VIM: variants seen among roughly 807,000 people sequenced by gnomAD.
VIM encodes epididymis secretory sperm binding protein.
A neutral mutation model predicts 50.3 loss-of-function variants in VIM; 18 were observed. That is an observed-to-expected ratio of 0.36 (90% CI 0.25 to 0.53). The LOEUF is 0.53. Ranked by LOEUF, VIM falls within the 20% of genes least tolerant of loss-of-function variation. The pLI is 0.91. For synonymous variants in VIM, 245 were observed against 248.5 expected, an observed-to-expected ratio of 0.99 and a Z score of 0.13; for missense variants, 551 against 614.7, an observed-to-expected ratio of 0.90 and a Z score of 1.10.
In VIM at chr10:17,237,312, A is replaced by G. The variant is rs1429245264; in HGVS notation, c.*41A>G. On this transcript the variant is annotated 3_prime_UTR_variant, in exon 10 of 10. Coordinates refer to ENST00000544301, the MANE Select transcript of VIM (RefSeq NM_003380.5). ...AGTGCAGCAATATATTACCAGCAAGAATAAAAAAGAAATCCATATCTTAAA... is the reference window on the plus strand; with the variant it reads ...AGTGCAGCAATATATTACCAGCAAGGATAAAAAAGAAATCCATATCTTAAA... 6.3e-7 allele frequency: 1 copy of G among 1,581,658 alleles called. No individual in the cohort carries two copies. Among genetic ancestry groups the G allele is most frequent in the African/African-American group, 1.3e-5 (1 of 74,260 alleles).
At chr10:17,235,799 G>A (rs776200285) in intron 7 of VIM, 47 bp from the exon 8 acceptor site, 2 of 1,572,434 alleles carry the variant, frequency 1.3e-6, no homozygotes, top group African/African-American at 2.7e-5. Flanking sequence ...CCCAGTGGTT[G>A]AAGTTATTTG....
chr10:17,230,633 A>C lies in VIM; in HGVS notation c.564-17A>C. ...CGGTTTCCTCGTTCCCCTTTGGTTA[A>C]TGCGCAACTGTTTCAGATTGCAGGA... is the stretch of plus-strand genomic sequence containing the variant. On this transcript the variant is annotated splice_polypyrimidine_tract_variant and intron_variant, in intron 2 of 9. Transcript: ENST00000544301. 1 of 1,613,890 alleles carries C rather than the reference A, an allele frequency of 6.2e-7. No homozygotes were observed. The highest frequency in any genetic ancestry group is 8.5e-7 in the Non-Finnish European group (1 of 1,179,948).
Position 17,233,635 on chromosome 10 carries a change from G to A in VIM, c.673G>A (p.Glu225Lys), listed in dbSNP as rs897144372. 6.2e-7 allele frequency: 1 copy of A among 1,614,076 alleles called. No individual in the cohort carries two copies. Among genetic ancestry groups the A allele is most frequent in the African/African-American group, 1.3e-5 (1 of 74,922 alleles). ...ACGTCTTGACCTTGAACGCAAAGTG[G>A]AATCTTTGCAAGAAGAGATTGCCTT... The part of the protein sequence containing the change: ...LARLDLERKV[E>K]SLQEEIAFLK... The change falls in exon 4 of 10, where the codon GAA becomes AAA. Residue 225 changes from glutamate (E) to lysine (K), a missense_variant. By Grantham distance (56) the Glu-to-Lys change is moderately conservative (BLOSUM62 1). This residue lies in a region of VIM where 394 missense variants were observed against 437.5 expected (regional missense o/e 0.90). Coordinates refer to ENST00000544301, the MANE Select transcript of VIM (RefSeq NM_003380.5).
At position 17,233,914 on chromosome 10, in the gene VIM, G is replaced by T. The variant is rs1471445445; in HGVS notation, c.865G>T (p.Glu289Ter). Reference protein sequence around the residue: ...VAAKNLQEAEEWYKSKFADLS... With the variant: ...VAAKNLQEAE Reference sequence around the variant, plus strand: ...TGCCAAGAACCTGCAGGAGGCAGAAGAATGGTACAAATCCAAGGTAGGAAA... The same window carrying T: ...TGCCAAGAACCTGCAGGAGGCAGAATAATGGTACAAATCCAAGGTAGGAAA... The change falls in exon 5 of 10, where the codon GAA becomes TAA. Residue 289 changes from glutamate (E) to a stop codon, truncating the protein, a stop_gained. Transcript: ENST00000544301. LOFTEE classifies it high-confidence loss of function. The T allele has an allele frequency of 6.2e-7, 1 of 1,613,862 alleles. No individual in the cohort carries two copies. The highest frequency in any genetic ancestry group is 8.5e-7 in the Non-Finnish European group (1 of 1,179,870).
chr10:17,236,063 A>G (rs1334026446), intron 8 of VIM, 174 bp downstream of exon 8: 2 of 750,746 alleles, frequency 2.7e-6, no homozygotes, highest in African/African-American at 1.8e-5. Flanking sequence ...GCTTTAAGTT[A>G]AATGCAAACT....
chr10:17,233,997 T>G, intron 5 of VIM, 66 bp downstream of exon 5: 1 of 1,554,154 alleles, frequency 6.4e-7, no homozygotes, highest in South Asian at 1.2e-5. Context: ...CCCATACCTG[T>G]GTGTGATTCC....
intron 2 of VIM, 128 bp from the exon 3 acceptor site, chr10:17,230,522 A>T: frequency 9.5e-7 from 1 of 1,050,984 alleles, no homozygotes; most frequent in Non-Finnish European, 1.5e-6. Flanking sequence ...TGAAAGCTGC[A>T]GGCGCTAGTT....
rs757749881 is a variant in VIM, at chr10:17,235,360, C to T, written c.1200C>T (p.Tyr400=). Residue 400 remains tyrosine, a synonymous_variant, in exon 7 of 10, where the codon TAC becomes TAT. Transcript: ENST00000544301. ...KMALDIEIAT[Y]RKLLEGEESR... is the part of the protein sequence containing the mutation. ...CCCTTGACATTGAGATTGCCACCTACAGGAAGCTGCTGGAAGGCGAGGAGA... is the reference window on the plus strand; with the variant it reads ...CCCTTGACATTGAGATTGCCACCTATAGGAAGCTGCTGGAAGGCGAGGAGA... 23 of 1,614,218 alleles carry T rather than the reference C, an allele frequency of 1.4e-5. No individual in the cohort carries two copies. In the South Asian group the frequency reaches 2.3e-4, roughly 16 times the overall value.
At chr10:17,232,424 G>T (rs1184457981) in intron 3 of VIM, among the ~76,000 whole-genome samples, 3 of 152,180 alleles carry the variant, frequency 2.0e-5, no homozygotes. Context: ...CTTTTTAAAT[G>T]GAAATATAGA....
Position 17,236,049 on chromosome 10 carries a change from C to T in VIM, c.1273+160C>T, listed in dbSNP as rs537766554. The stretch of plus-strand genomic sequence containing the variant: ...TCGAACCCAAGTACACTCTTGCATT[C>T]TATGCTTTAAGTTAAATGCAAACTC... On this transcript the variant is annotated intron_variant, in intron 8 of 9. Coordinates refer to ENST00000544301, the MANE Select transcript of VIM (RefSeq NM_003380.5). 3 of 798,968 alleles carry T rather than the reference C, an allele frequency of 3.8e-6. No homozygotes were observed. The Admixed American group carries it at 6.9e-5, about 18-fold the overall frequency. The allele number at this position is 798,968 out of a possible 1,614,324, so 49.5% of individuals were successfully genotyped here.
At chr10:17,235,536 T>A (rs1013594595) in intron 7 of VIM, 147 bp downstream of exon 7, 2 of 911,674 alleles carry the variant, frequency 2.2e-6, no homozygotes, top group Non-Finnish European at 3.4e-6. Context: ...GGAATTTGAA[T>A]TGAGAGAGAG....
At chr10:17,230,385 C>G in intron 2 of VIM, 1 of 577,600 alleles carries the variant, frequency 1.7e-6, no homozygotes, top group Non-Finnish European at 3.1e-6. Context: ...GTGGAGGGAG[C>G]GAGACAAAGG....
intron 9 of VIM, 73 bp downstream of exon 9, chr10:17,236,452 A>AG: frequency 2.4e-6 from 3 of 1,251,512 alleles, no homozygotes; most frequent in African/African-American, 1.5e-5. Context: ...AGTGAATCTG[A>AG]ATCTCAGATA....
chr10:17,231,005 C>T (rs908020989), intron 3 of VIM: 5 of 384,182 alleles, frequency 1.3e-5, no homozygotes, highest in African/African-American at 6.3e-5. Context: ...CGGGTTCAAG[C>T]GATCCTTGAA....
rs768727457 is a variant in VIM at position 17,235,283 on chromosome 10, G to A, written c.1123G>A (p.Glu375Lys). The A allele has an allele frequency of 5.6e-6, 9 of 1,614,194 alleles. No individual in the cohort carries two copies. The highest frequency in any genetic ancestry group is 2.7e-5 in the African/African-American group (2 of 75,048). Residue 375 changes from glutamate to lysine, a missense_variant, in exon 7 of 10, where the codon GAA (glutamate) becomes AAA (lysine). By Grantham distance (56) the Glu-to-Lys change is moderately conservative (BLOSUM62 1). Coordinates refer to ENST00000544301, the MANE Select transcript of VIM (RefSeq NM_003380.5). ...LQDEIQNMKE[E>K]MARHLREYQD... ...GGATGAGATTCAGAATATGAAGGAGGAAATGGCTCGTCACCTTCGTGAATA... is the reference window on the plus strand; with the variant it reads ...GGATGAGATTCAGAATATGAAGGAGAAAATGGCTCGTCACCTTCGTGAATA...
chr10:17,230,186 C>G lies in VIM; in HGVS notation c.563+201C>G. The G allele has an allele frequency of 2.3e-5, 15 of 648,358 alleles. No homozygotes were observed. The South Asian group carries it at 2.9e-4, about 13-fold the overall frequency. 40.2% of individuals were successfully genotyped at this position (648,358 alleles called of 1,614,324 possible). A position where few individuals can be genotyped will look rare whatever the true frequency, so the allele number is the denominator to read the frequency against. ...ACCCAGACCTTGCAGTTCGCATTTC[C>G]TCCTCTGTCCCCACACATTGCCCAA... On this transcript the variant is annotated intron_variant, in intron 2 of 9. Coordinates refer to ENST00000544301, the MANE Select transcript of VIM (RefSeq NM_003380.5).
Position 17,228,426 on chromosome 10 carries a change from T to C in VIM, c.-246T>C, listed in dbSNP as rs1489915515. Reference sequence around the variant, plus strand: ...GCTGTAAGTTGGTAGCACTGAGAACTAGCAGCGCGCGCGGAGCCCGCTGAG... The same window carrying C: ...GCTGTAAGTTGGTAGCACTGAGAACCAGCAGCGCGCGCGGAGCCCGCTGAG... On this transcript the variant is annotated 5_prime_UTR_variant, in exon 1 of 10. Coordinates refer to ENST00000544301, the MANE Select transcript of VIM (RefSeq NM_003380.5). The C allele has an allele frequency of 6.6e-6, 1 of 152,286 alleles. No homozygotes were observed. 9.4% of individuals were successfully genotyped at this position (152,286 alleles called of 1,614,324 possible).
chr10:17,236,208 A>G (rs1359352194), intron 8 of VIM, 86 bp from the exon 9 acceptor site: 2 of 1,094,988 alleles, frequency 1.8e-6, no homozygotes, highest in African/African-American at 3.1e-5. Flanking sequence ...TCCCCCACAA[A>G]TCATAATTGT....
At chr10:17,232,736 T>C (rs1846818222) in intron 3 of VIM, among the ~76,000 whole-genome samples, 2 of 152,222 alleles carry the variant, frequency 1.3e-5, no homozygotes. Context: ...CATATTTGCT[T>C]TGGAGCCTAA....
Sources: gnomAD v4.1 joint callset for allele counts (sites outside exome capture counted in the v4.1 genomes callset) on GRCh38, gnomAD v4.1.1 for gene constraint, gnomAD v4.1.1 regional missense constraint, MANE v1.5 for transcripts, NCBI Gene and HGNC (gene_info 2026-07-23, HGNC 2026-07-21) for gene names.